The following GRIA1 variants were observed in gnomAD, a reference collection of about 807,000 sequenced individuals.
The protein encoded by GRIA1 is glutamate receptor 1.
GRIA1 carries 31 observed loss-of-function variants against 99.2 expected under a neutral mutation model. The ratio of observed to expected loss-of-function variants is 0.31; its 90% CI spans 0.23 to 0.42. The LOEUF (loss-of-function observed/expected upper bound fraction) is 0.42, where lower values mean the gene tolerates loss of function less well. Ranked by LOEUF, GRIA1 falls within the 10% of genes least tolerant of loss-of-function variation. The pLI, the probability that GRIA1 is intolerant of heterozygous loss-of-function variation, is 1.00. For synonymous variants in GRIA1, 438 were observed against 432.4 expected, an observed-to-expected ratio of 1.01 and a Z score of -0.16; for missense variants, 782 against 1,157.5, an observed-to-expected ratio of 0.68 and a Z score of 4.71.
intron 2 of GRIA1, chr5:153,574,326 T>C (rs925530108): frequency 6.6e-6 from 1 of 152,144 alleles, no homozygotes; most frequent in Non-Finnish European, 1.5e-5. Context: ...ACAATAAATA[T>C]CCTGTTGTTT....
At chr5:153,616,366 T>A (rs1031300660) in intron 2 of GRIA1, among the ~76,000 whole-genome samples, 2 of 152,168 alleles carry the variant, frequency 1.3e-5, no homozygotes, top group African/African-American at 2.4e-5. Context: ...GTCTTTGAGT[T>A]CCTCTAGGAC....
chr5:153,516,361 G>GA (rs1756628958), intron 2 of GRIA1, among the ~76,000 whole-genome samples: 1 of 151,582 alleles, frequency 6.6e-6, no homozygotes, highest in Non-Finnish European at 1.5e-5. Flanking sequence ...AGGGCTAAAA[G>GA]AAATGCTCCC....
intron 14 of GRIA1, 33 bp downstream of exon 14, chr5:153,794,768 G>T (rs1464631258): frequency 2.3e-6 from 3 of 1,298,480 alleles, no homozygotes; most frequent in East Asian, 2.3e-5. Context: ...AAAACCTAGT[G>T]GGTATGAAAT....
At chr5:153,681,908 C>T (rs1756998391) in intron 7 of GRIA1, among the ~76,000 whole-genome samples, 1 of 152,080 alleles carries the variant, frequency 6.6e-6, no homozygotes, top group Non-Finnish European at 1.5e-5. Flanking sequence ...GTAGCAGGCA[C>T]CTGTAATTCC....
intron 14 of GRIA1, 59 bp from the exon 15 acceptor site, chr5:153,802,297 A>G: frequency 6.6e-7 from 1 of 1,517,230 alleles, no homozygotes; most frequent in South Asian, 1.1e-5. Context: ...GATGGTCTTT[A>G]GCCTCTTGAC....
chr5:153,600,129 C>T (rs1764784434), intron 2 of GRIA1, among the ~76,000 whole-genome samples: 1 of 151,946 alleles, frequency 6.6e-6, no homozygotes, highest in Non-Finnish European at 1.5e-5. Context: ...CGGTGGCTCA[C>T]GCTTGTAATC....
intron 2 of GRIA1, among the ~76,000 whole-genome samples, chr5:153,599,593 CA>C (rs1362011491): frequency 1.3e-5 from 2 of 152,078 alleles, no homozygotes; most frequent in Non-Finnish European, 2.9e-5. Context: ...AAATAGCTGC[CA>C]CACTTTATTA....
At chr5:153,575,599 G>A (rs1163977952) in intron 2 of GRIA1, among the ~76,000 whole-genome samples, 1 of 152,114 alleles carries the variant, frequency 6.6e-6, no homozygotes, top group East Asian at 1.9e-4. Context: ...GAGGGAACAG[G>A]GCTTTCCCAG....
chr5:153,690,190 C>G (rs778452012), intron 8 of GRIA1, among the ~76,000 whole-genome samples: 1 of 151,690 alleles, frequency 6.6e-6, no homozygotes, highest in Non-Finnish European at 1.5e-5. Flanking sequence ...CTGGTTGGTG[C>G]GTAAAGAGTT....
chr5:153,778,099 T>G (rs13167420), intron 13 of GRIA1, among the ~76,000 whole-genome samples: 57,732 of 149,504 alleles, frequency 0.39, 12,072 homozygotes, highest in East Asian at 0.93. Context: ...AAAGGAGAGA[T>G]AGAAAAAAAT....
At position 153,686,296 on chromosome 5, in the gene GRIA1, C is replaced by A. The variant is rs142420782; in HGVS notation, c.1101C>A (p.His367Gln). The change falls in exon 8 of 16, where the codon CAC becomes CAA. Residue 367 changes from histidine to glutamine, a missense_variant. Physicochemically the swap from His to Gln is conservative, Grantham distance 24. This residue lies in a region of GRIA1 where 461 missense variants were observed against 521.7 expected (regional missense o/e 0.88). Transcript: ENST00000285900. Reference sequence around the variant, plus strand: ...GACGCCGGACCAACTACACGCTCCACGTGATTGAAATGAAACATGACGGCA... The same window carrying A: ...GACGCCGGACCAACTACACGCTCCAAGTGATTGAAATGAAACATGACGGCA... ...EKGRRTNYTL[H>Q]VIEMKHDGIR... The A allele has an allele frequency of 4.3e-6, 7 of 1,613,720 alleles. No homozygotes were observed. The African/African-American group carries it at 8.0e-5, about 18-fold the overall frequency.
chr5:153,759,164 C>CA (rs112082035), intron 11 of GRIA1, among the ~76,000 whole-genome samples: 9,157 of 139,378 alleles, frequency 0.066, 336 homozygotes, highest in Non-Finnish European at 0.08. Context: ...CTTCAAAGAC[C>CA]AAAAAAAAAA....
intron 2 of GRIA1, among the ~76,000 whole-genome samples, chr5:153,527,998 C>T (rs1757758333): frequency 6.6e-6 from 1 of 152,122 alleles, no homozygotes; most frequent in Non-Finnish European, 1.5e-5. Context: ...GTAAATTTTA[C>T]TTTTTGACTT....
At chr5:153,714,251 G>A (rs1023007697) in intron 11 of GRIA1, among the ~76,000 whole-genome samples, 6 of 152,094 alleles carry the variant, frequency 3.9e-5, no homozygotes, top group Non-Finnish European at 8.8e-5. Context: ...CAGCTTGTAC[G>A]CCACCAGTTT....
chr5:153,755,764 T>A (rs553091011), intron 11 of GRIA1: 1 of 152,118 alleles, frequency 6.6e-6, no homozygotes, highest in Non-Finnish European at 1.5e-5. Flanking sequence ...TCTGCAGCCA[T>A]CCACAGGAAA....
chr5:153,786,834 A>G (rs1213953830), intron 13 of GRIA1, among the ~76,000 whole-genome samples: 1 of 152,216 alleles, frequency 6.6e-6, no homozygotes, highest in Non-Finnish European at 1.5e-5. Flanking sequence ...AAGCAAGCAC[A>G]CAGGAGCAGG....
In GRIA1 at chr5:153,748,547, A is replaced by ATAGTT. The variant is rs1410532029; in HGVS notation, c.1824-15884_1824-15880dup. ...GGGTGGGAACAACATGGTCCTACTT[A>ATAGTT]TAGTTTAAAAAGATCTCTCTGGCTC... On this transcript the variant is annotated intron_variant, in intron 11 of 15. Transcript: ENST00000285900. 5.3e-5 allele frequency among the ~76,000 whole-genome samples: 8 copies of ATAGTT among 152,326 alleles called. No individual in the cohort carries two copies. In the East Asian group the frequency reaches 1.5e-3, roughly 29 times the overall value.
chr5:153,647,402 A>G (rs1190817019), intron 3 of GRIA1, among the ~76,000 whole-genome samples: 1 of 152,158 alleles, frequency 6.6e-6, no homozygotes, highest in Non-Finnish European at 1.5e-5. Context: ...CTAAGCTTTC[A>G]TGGCTCCTGA....
At chr5:153,662,252 T>C (rs988122736) in intron 5 of GRIA1, among the ~76,000 whole-genome samples, 1 of 152,192 alleles carries the variant, frequency 6.6e-6, no homozygotes, top group African/African-American at 2.4e-5. Flanking sequence ...CCACCAAACA[T>C]GGACCAGGCC....
Sources: gnomAD v4.1 joint callset for allele counts (sites outside exome capture counted in the v4.1 genomes callset) on GRCh38, gnomAD v4.1.1 for gene constraint, gnomAD v4.1.1 regional missense constraint, MANE v1.5 for transcripts, NCBI Gene and HGNC (gene_info 2026-07-23, HGNC 2026-07-21) for gene names.